The following DBF4 variants were observed in gnomAD, a reference collection of about 807,000 sequenced individuals.
DBF4 encodes the protein protein DBF4 homolog A.
Under a neutral mutation model 76.6 loss-of-function variants are expected in DBF4, and 25 were observed. The ratio of observed to expected loss-of-function variants is 0.33; its 90% confidence interval spans 0.24 to 0.46. DBF4 has a LOEUF of 0.46. Among genes scored for constraint, DBF4 ranks in the 20% least tolerant of loss-of-function variants. The probability of loss-of-function intolerance (pLI) is 1.00; values close to 1 mark genes in which losing one functional copy is unlikely to be tolerated. For missense variants in DBF4, 638 were observed against 760.8 expected (o/e 0.84, Z 1.90); for synonymous variants, 213 against 258.0 (o/e 0.83, Z 1.67).
intron 11 of DBF4, among the ~76,000 whole-genome samples, chr7:87,906,440 G>T (rs2131080121): frequency 6.7e-6 from 1 of 150,168 alleles, no homozygotes; most frequent in East Asian, 2.0e-4. Context: ...AGGAAAAATT[G>T]TATTATTTCT....
At chr7:87,896,620 C>T (rs563164172) in intron 7 of DBF4, 110 bp downstream of exon 7, 1 of 960,254 alleles carries the variant, frequency 1.0e-6, no homozygotes, top group Non-Finnish European at 1.6e-6. Flanking sequence ...AGGCTTTCTT[C>T]GTCTTTATAG....
intron 8 of DBF4, among the ~76,000 whole-genome samples, chr7:87,899,778 C>T (rs1839725464): frequency 6.6e-6 from 1 of 152,152 alleles, no homozygotes; most frequent in African/African-American, 2.4e-5. Flanking sequence ...AAAAATACTG[C>T]ATGATTCCAC....
intron 2 of DBF4, among the ~76,000 whole-genome samples, chr7:87,881,768 GT>G (rs1839218718): frequency 6.6e-6 from 1 of 152,206 alleles, no homozygotes; most frequent in Non-Finnish European, 1.5e-5. Flanking sequence ...ATGTTAGAGT[GT>G]TGTCAATGCT....
chr7:87,897,965 AT>A (rs1334495216), intron 8 of DBF4, among the ~76,000 whole-genome samples: 1 of 152,110 alleles, frequency 6.6e-6, no homozygotes, highest in African/African-American at 2.4e-5. Flanking sequence ...TTTAGTAGAG[AT>A]GGGGTTTCAC....
chr7:87,899,843 CAG>C (rs142368022), intron 8 of DBF4, among the ~76,000 whole-genome samples: 6 of 152,236 alleles, frequency 3.9e-5, no homozygotes, highest in African/African-American at 1.2e-4. Context: ...TGGTGGTTGT[CAG>C]GGGATATGGA....
At chr7:87,877,068 C>T (rs1237406101) in intron 1 of DBF4, among the ~76,000 whole-genome samples, 5 of 152,184 alleles carry the variant, frequency 3.3e-5, no homozygotes, top group Non-Finnish European at 7.3e-5. Context: ...CTCGCCGGGA[C>T]TGCGGCGCTG....
intron 10 of DBF4, among the ~76,000 whole-genome samples, chr7:87,902,343 CATA>C (rs1839808682): frequency 6.6e-6 from 1 of 151,906 alleles, no homozygotes; most frequent in African/African-American, 2.4e-5. Context: ...TGTTAGGTTT[CATA>C]ATGATTCAAT....
chr7:87,884,558 TATC>T (rs1450047128), intron 2 of DBF4, among the ~76,000 whole-genome samples: 9 of 152,216 alleles, frequency 5.9e-5, no homozygotes, highest in Non-Finnish European at 1.5e-5. Context: ...ATGTAGATAG[TATC>T]ATGAGGCTGT....
At chr7:87,904,448 TCTA>T (rs1436846640) in intron 11 of DBF4, 32 bp downstream of exon 11, 1 of 1,591,642 alleles carries the variant, frequency 6.3e-7, no homozygotes, top group African/African-American at 1.3e-5. Context: ...AGTTTTAAAT[TCTA>T]CTAGGCGGCC....
intron 9 of DBF4, among the ~76,000 whole-genome samples, 172 bp from the exon 10 acceptor site, chr7:87,900,592 T>C (rs113727181): frequency 1.6e-3 from 240 of 152,230 alleles, no homozygotes; most frequent in African/African-American, 5.6e-3. Context: ...GAATATTCAT[T>C]AAATCTTTAG....
chr7:87,887,830 A>T, intron 5 of DBF4, 153 bp from the exon 6 acceptor site: 1 of 730,738 alleles, frequency 1.4e-6, no homozygotes, highest in Non-Finnish European at 2.0e-6. Flanking sequence ...GTTAAATTTC[A>T]ACATGAGTTT....
chr7:87,890,186 T>C (rs571446129), intron 6 of DBF4, among the ~76,000 whole-genome samples: 1 of 152,314 alleles, frequency 6.6e-6, no homozygotes, highest in East Asian at 1.9e-4. Context: ...TTAAAAATAT[T>C]GATCACAACT....
chr7:87,899,682 T>G (rs953962547), intron 8 of DBF4, among the ~76,000 whole-genome samples: 1 of 152,234 alleles, frequency 6.6e-6, no homozygotes, highest in Non-Finnish European at 1.5e-5. Context: ...CTCAATGGAA[T>G]ATTACTCAGC....
At position 87,907,672 on chromosome 7, in the gene DBF4, C is replaced by A; in HGVS notation, c.1534C>A (p.Leu512Ile). The A allele has an allele frequency of 1.2e-6, 2 of 1,613,978 alleles. No homozygotes were observed. Among genetic ancestry groups the A allele is most frequent in the Non-Finnish European group, 1.7e-6 (2 of 1,179,938 alleles). The change falls in exon 12 of 12, where the codon CTT becomes ATT. Residue 512 changes from leucine (L) to isoleucine (I), a missense_variant. Leu to Ile is a conservative substitution (Grantham distance 5, BLOSUM62 2). Coordinates refer to ENST00000265728, the MANE Select transcript of DBF4 (RefSeq NM_006716.4). Reference sequence around the variant, plus strand: ...ACCAAAACAGAAGTCAGATACTGTGCTTTTTCCAGCAAAGGATCTCAAGGA... The same window carrying A: ...ACCAAAACAGAAGTCAGATACTGTGATTTTTCCAGCAAAGGATCTCAAGGA... ...SQPKQKSDTV[L>I]FPAKDLKEKD... is the part of the protein sequence containing the mutation.
chr7:87,897,473 G>A, intron 8 of DBF4, 134 bp downstream of exon 8: 2 of 708,450 alleles, frequency 2.8e-6, no homozygotes, highest in Non-Finnish European at 4.4e-6. Flanking sequence ...TGTGCATGCG[G>A]CACAAGTTAA....
At chr7:87,895,152 T>G (rs539218591) in intron 6 of DBF4, among the ~76,000 whole-genome samples, 2 of 152,226 alleles carry the variant, frequency 1.3e-5, no homozygotes, top group African/African-American at 4.8e-5. Flanking sequence ...CATGTTCTGC[T>G]ATTGAGCTTA....
intron 3 of DBF4, among the ~76,000 whole-genome samples, chr7:87,885,782 T>C (rs1839333287): frequency 6.6e-6 from 1 of 152,216 alleles, no homozygotes; most frequent in Non-Finnish European, 1.5e-5. Flanking sequence ...TCTGGTCCTT[T>C]GCATAAAAAG....
At chr7:87,883,870 A>G (rs2131044994) in intron 2 of DBF4, among the ~76,000 whole-genome samples, 1 of 152,308 alleles carries the variant, frequency 6.6e-6, no homozygotes, top group Middle Eastern at 3.4e-3. Context: ...ACTTCTGCTT[A>G]GTGGGTATTT....
chr7:87,884,095 A>C (rs1839284574), intron 2 of DBF4, among the ~76,000 whole-genome samples: 1 of 152,204 alleles, frequency 6.6e-6, no homozygotes, highest in Non-Finnish European at 1.5e-5. Context: ...TCTTAAGCGT[A>C]AAGGTTCCCT....
Sources: allele counts gnomAD v4.1 joint callset (sites outside exome capture counted in the v4.1 genomes callset), GRCh38; gene constraint gnomAD v4.1.1; transcripts MANE v1.5; gene names NCBI Gene and HGNC (gene_info 2026-07-23, HGNC 2026-07-21).